Variants in VWA2 observed in about 807,000 individuals in gnomAD.
The protein encoded by VWA2 is von Willebrand factor A domain containing 2, also known as von Willebrand factor A domain-containing protein 2.
Under a neutral mutation model 70.4 loss-of-function variants are expected in VWA2, and 73 were observed. That is an observed-to-expected ratio of 1.04 (90% CI 0.86 to 1.26). VWA2 has a LOEUF of 1.26. Among genes scored for constraint, VWA2 ranks in the 50% most tolerant of loss-of-function variants. VWA2 has a pLI of 0.00. For missense variants in VWA2, 1,011 were observed against 998.5 expected (o/e 1.01, Z -0.17); for synonymous variants, 407 against 423.3 (o/e 0.96, Z 0.47).
At chr10:114,290,434 A>G in intron 13 of VWA2, 69 bp downstream of exon 13, 1 of 1,533,726 alleles carries the variant, frequency 6.5e-7, no homozygotes, top group Non-Finnish European at 8.8e-7. Context: ...AGTCCCACAA[A>G]CTCAGCTGAA....
In VWA2 at chr10:114,293,320, G is replaced by T. The variant is rs2039772544; in HGVS notation, c.*2083G>T. Among the ~76,000 whole-genome samples the T allele has an allele frequency of 6.6e-6, 1 of 152,218 alleles. No individual in the cohort carries two copies. Among genetic ancestry groups the T allele is most frequent in the South Asian group, 2.1e-4 (1 of 4,824 alleles). ...TACATGAATGCATTGTCTTTAAATA[G>T]CAGTTTAACCATGTTATAATGTAGG... On this transcript the variant is annotated 3_prime_UTR_variant, in exon 14 of 14. Coordinates refer to ENST00000392982, the MANE Select transcript of VWA2 (RefSeq NM_001272046.2).
Position 114,241,658 on chromosome 10 carries a change from G to A in VWA2, c.-11+2089G>A, listed in dbSNP as rs185048475. Among the ~76,000 whole-genome samples the A allele has an allele frequency of 3.9e-5, 6 of 152,220 alleles. No homozygotes were observed. In the East Asian group the frequency reaches 9.7e-4, roughly 25 times the overall value. On this transcript the variant is annotated intron_variant, in intron 1 of 13. Coordinates refer to ENST00000392982, the MANE Select transcript of VWA2 (RefSeq NM_001272046.2). The stretch of plus-strand genomic sequence containing the variant: ...ACAAAGCATTGTCCTCACATCCTCA[G>A]TACCTGGAAGGGTACCGGGCACAGG...
chr10:114,261,660 T>A (rs1019678452), intron 5 of VWA2, among the ~76,000 whole-genome samples: 1 of 152,166 alleles, frequency 6.6e-6, no homozygotes, highest in Non-Finnish European at 1.5e-5. Context: ...CTTGGACAGT[T>A]CACCACACTT....
intron 11 of VWA2, 122 bp downstream of exon 11, chr10:114,286,633 C>A: frequency 1.3e-6 from 1 of 768,994 alleles, no homozygotes; most frequent in Non-Finnish European, 2.0e-6. Context: ...CACAGCCCCA[C>A]TCTTTCAGGC....
At position 114,262,763 on chromosome 10, in the gene VWA2, G is replaced by A. The variant is rs578030528; in HGVS notation, c.371+1468G>A. ...TATCCCAGCCCTTTCCTCTGCCGTC[G>A]AACAGATCAAGCGGCAAGTCATCAT... is the stretch of plus-strand genomic sequence containing the variant. On this transcript the variant is annotated intron_variant, in intron 5 of 13. Transcript: ENST00000392982. Among the ~76,000 whole-genome samples, 70 of 152,226 alleles carry A rather than the reference G, an allele frequency of 4.6e-4. No homozygotes were observed. The South Asian group carries it at 0.014, about 30-fold the overall frequency.
intron 6 of VWA2, among the ~76,000 whole-genome samples, chr10:114,277,608 G>A (rs1282730062): frequency 6.6e-6 from 1 of 152,190 alleles, no homozygotes. Flanking sequence ...GGCTATCGAG[G>A]TGTGCTGGCC....
intron 6 of VWA2, among the ~76,000 whole-genome samples, chr10:114,276,482 A>T (rs370461457): frequency 3.3e-5 from 5 of 152,234 alleles, no homozygotes; most frequent in South Asian, 2.1e-4. Context: ...AAGCAAAAAA[A>T]CTGATACTGG....
chr10:114,258,722 T>G (rs2037381742), intron 4 of VWA2, among the ~76,000 whole-genome samples: 1 of 152,198 alleles, frequency 6.6e-6, no homozygotes, highest in Non-Finnish European at 1.5e-5. Flanking sequence ...ACATTTTCCA[T>G]TTGCCCTGTC....
rs747585409 is a variant in VWA2, at chr10:114,272,831, A to G, written c.463A>G (p.Ile155Val). 1 of 1,614,110 alleles carries G rather than the reference A, an allele frequency of 6.2e-7. No individual in the cohort carries two copies. The highest frequency in any genetic ancestry group is 8.5e-7 in the Non-Finnish European group (1 of 1,180,010). The change falls in exon 6 of 14, where the codon ATC (isoleucine) becomes GTC (valine). Residue 155 changes from isoleucine to valine, a missense_variant. By Grantham distance (29) the Ile-to-Val change is conservative. Transcript: ENST00000392982. ...AAATGCTTCTGTGCCCCAGATCCTC[A>G]TCATCGTCACTGATGGGAAGTCCCA... ...GRNASVPQIL[I>V]IVTDGKSQGD...
Position 114,247,073 on chromosome 10 carries a change from C to T in VWA2, c.-10-1631C>T, listed in dbSNP as rs187467136. Among the ~76,000 whole-genome samples, 7 of 152,078 alleles carry T rather than the reference C, an allele frequency of 4.6e-5. 1 individual carries two copies. The East Asian group carries it at 1.4e-3, about 29-fold the overall frequency. ...GGAAAGTGACCACTTTGCCCTGACT[C>T]GATCGGTTAAGGAGCTGTGCAATAA... On this transcript the variant is annotated intron_variant, in intron 1 of 13. Transcript: ENST00000392982.
Position 114,243,867 on chromosome 10 carries a change from G to A in VWA2, c.-11+4298G>A, listed in dbSNP as rs533918359. On this transcript the variant is annotated intron_variant, in intron 1 of 13. Transcript: ENST00000392982. Reference sequence around the variant, plus strand: ...ACTTCACATGCCTGCTGTCCCAAGTGCAGCTGGTGCTGCGTGGGAACCAGG... The same window carrying A: ...ACTTCACATGCCTGCTGTCCCAAGTACAGCTGGTGCTGCGTGGGAACCAGG... Among the ~76,000 whole-genome samples, 4 of 152,334 alleles carry A rather than the reference G, an allele frequency of 2.6e-5. No individual in the cohort carries two copies. The East Asian group carries it at 7.7e-4, about 29-fold the overall frequency.
intron 1 of VWA2, among the ~76,000 whole-genome samples, chr10:114,239,852 G>T (rs1026582770): frequency 3.3e-5 from 5 of 152,230 alleles, no homozygotes; most frequent in Non-Finnish European, 7.3e-5. Flanking sequence ...GCGGGGTTTT[G>T]GGAGGGGTGC....
At position 114,253,700 on chromosome 10, in the gene VWA2, C is replaced by G; in HGVS notation, c.102C>G (p.Ile34Met). Residue 34 changes from isoleucine to methionine, a missense_variant, in exon 3 of 14, where the codon ATC (isoleucine) becomes ATG (methionine). Coordinates refer to ENST00000392982, the MANE Select transcript of VWA2 (RefSeq NM_001272046.2). Reference sequence around the variant, plus strand: ...AAGTCCATGTAAGCAAAGAAACCATCGGGAAGATTTCAGCTGCCAGCAAAA... The same window carrying G: ...AAGTCCATGTAAGCAAAGAAACCATGGGGAAGATTTCAGCTGCCAGCAAAA... ...LQEVHVSKET[I>M]GKISAASKMM... 1 of 1,612,346 alleles carries G rather than the reference C, an allele frequency of 6.2e-7. No individual in the cohort carries two copies. Among genetic ancestry groups the G allele is most frequent in the Non-Finnish European group, 8.5e-7 (1 of 1,179,740 alleles).
chr10:114,286,715 C>A (rs1298788140), intron 11 of VWA2, among the ~76,000 whole-genome samples: 1 of 152,208 alleles, frequency 6.6e-6, no homozygotes, highest in African/African-American at 2.4e-5. Flanking sequence ...CCTGAGAGAT[C>A]TTTAGTGAGA....
At chr10:114,284,660 C>A (rs923547278) in intron 9 of VWA2, among the ~76,000 whole-genome samples, 1 of 152,226 alleles carries the variant, frequency 6.6e-6, no homozygotes, top group Non-Finnish European at 1.5e-5. Flanking sequence ...ACAGAGCATC[C>A]TTTACCACCC....
At chr10:114,239,742 G>C (rs934554501) in intron 1 of VWA2, among the ~76,000 whole-genome samples, 173 bp downstream of exon 1, 3 of 152,204 alleles carry the variant, frequency 2.0e-5, no homozygotes, top group Non-Finnish European at 4.4e-5. Context: ...TTGTCTGCGC[G>C]CACCTGAGCG....
intron 2 of VWA2, among the ~76,000 whole-genome samples, chr10:114,253,432 ACTACC>A (rs1434095075): frequency 7.0e-6 from 1 of 143,726 alleles, no homozygotes; most frequent in African/African-American, 2.6e-5. Flanking sequence ...TTGTCTTCAA[ACTACC>A]CACATTTAAA....
Position 114,286,255 on chromosome 10 carries a change from C to T in VWA2, c.1314C>T (p.Thr438=), listed in dbSNP as rs768814122. 1.9e-6 allele frequency: 3 copies of T among 1,610,396 alleles called. No individual in the cohort carries two copies. Among genetic ancestry groups the T allele is most frequent in the African/African-American group, 2.7e-5 (2 of 74,906 alleles). ...CAGAGCGTGGCTTCGGGAGCGCCAC[C>T]AGGACAGGCCAGGACCGGCCACGTA... is the stretch of plus-strand genomic sequence containing the variant. ...QAAERGFGSA[T]RTGQDRPRRV... Residue 438 remains threonine, a synonymous_variant, in exon 11 of 14, where the codon ACC becomes ACT. Transcript: ENST00000392982.
rs752688555 is a variant in VWA2, at chr10:114,253,673, G to C, written c.75G>C (p.Gln25His). ...FSRVPPSLPL[Q>H]EVHVSKETIG... ...TAGTGCCCCCATCTCTCCCTCTCCA[G>C]GAAGTCCATGTAAGCAAAGAAACCA... The change falls in exon 3 of 14, where the codon CAG (glutamine) becomes CAC (histidine). Residue 25 changes from glutamine (Q) to histidine (H), a missense_variant. Physicochemically the swap from Gln to His is conservative, Grantham distance 24. Transcript: ENST00000392982. 6.2e-7 allele frequency: 1 copy of C among 1,612,214 alleles called. No homozygotes were observed. The highest frequency in any genetic ancestry group is 8.5e-7 in the Non-Finnish European group (1 of 1,179,738).
Sources: gnomAD v4.1 joint callset for allele counts (sites outside exome capture counted in the v4.1 genomes callset) on GRCh38, gnomAD v4.1.1 for gene constraint, MANE v1.5 for transcripts, NCBI Gene and HGNC (gene_info 2026-07-23, HGNC 2026-07-21) for gene names.